MUC4: variants seen among roughly 807,000 people sequenced by gnomAD.
The protein encoded by MUC4 is mucin-4.
In MUC4, 202 loss-of-function variants were observed where a neutral mutation model predicts 257.9. The ratio of observed to expected loss-of-function variants is 0.78; its 90% CI spans 0.70 to 0.88. The LOEUF (loss-of-function observed/expected upper bound fraction) is 0.88. MUC4 is among the 40% of genes least tolerant of loss of function. MUC4 has a pLI of 0.00. For synonymous variants in MUC4, 2,351 were observed against 2,757.1 expected (o/e 0.85, Z 4.62); for missense variants, 5,976 against 6,513.7 (o/e 0.92, Z 2.84).
At position 195,783,274 on chromosome 3, in the gene MUC4, A is replaced by G; in HGVS notation, c.8306T>C (p.Leu2769Pro). Residue 2769 changes from leucine (L) to proline (P), a missense_variant, in exon 2 of 25, where the codon CTT becomes CCT. Physicochemically the swap from Leu to Pro is moderately conservative, Grantham distance 98. This residue lies in a region of MUC4 where 228 missense variants were observed against 206.3 expected (regional missense o/e 1.11). Transcript: ENST00000463781. The stretch of plus-strand genomic sequence containing the variant: ...TACTGAGGAAGTGTTGGTGACAGGA[A>G]GAGGGGTGGCGTGACCTGTGGATGC... Reference protein sequence around the residue: ...SSASTGHATPLPVTNTSSVST... With the variant: ...SSASTGHATPPPVTNTSSVST... 2 of 1,500,864 alleles carry G rather than the reference A, an allele frequency of 1.3e-6. No individual in the cohort carries two copies. Among genetic ancestry groups the G allele is most frequent in the African/African-American group, 1.4e-5 (1 of 69,390 alleles). 93.0% of individuals were successfully genotyped at this position (1,500,864 alleles called of 1,614,324 possible).
intron 1 of MUC4, among the ~76,000 whole-genome samples, chr3:195,801,786 A>G (rs1040797856): frequency 5.9e-5 from 9 of 152,068 alleles, no homozygotes; most frequent in Admixed American, 2.6e-4. Context: ...TCATTCATTC[A>G]TGAATCTGAC....
In MUC4 at chr3:195,765,117, A is replaced by G. The variant is rs2148818044; in HGVS notation, c.13804T>C (p.Trp4602Arg). The stretch of plus-strand genomic sequence containing the variant: ...CACAGCTGCCTACTGCCGAGGCCCC[A>G]GCGACCTGAAACAAGTCCAGTCCCA... Reference protein sequence around the residue: ...LRFQPVSIGRWGLGSRQLCSF... With the variant: ...LRFQPVSIGRRGLGSRQLCSF... The change falls in exon 10 of 25, where the codon TGG (tryptophan) becomes CGG (arginine). Residue 4602 changes from tryptophan to arginine, a missense_variant. Around this residue, in one of 44 missense-constraint regions of MUC4, gnomAD observed 996 missense variants for 1,137.3 expected, o/e 0.88. Coordinates refer to ENST00000463781, the MANE Select transcript of MUC4 (RefSeq NM_018406.7). The G allele has an allele frequency of 6.2e-7, 1 of 1,612,270 alleles. No homozygotes were observed. Among genetic ancestry groups the G allele is most frequent in the East Asian group, 2.2e-5 (1 of 44,804 alleles).
At chr3:195,750,824 A>T (rs1159771527) in intron 23 of MUC4, 65 bp downstream of exon 23, 2 of 1,438,788 alleles carry the variant, frequency 1.4e-6, no homozygotes, top group East Asian at 4.6e-5. Flanking sequence ...GTGTGGGCTG[A>T]AGCACCTCTG....
chr3:195,751,167 G>A, intron 22 of MUC4, 40 bp downstream of exon 22: 1 of 1,520,614 alleles, frequency 6.6e-7, no homozygotes, highest in Non-Finnish European at 8.9e-7. Flanking sequence ...GGGGGATGAG[G>A]AAGAGATCTG....
At chr3:195,754,879 A>G (rs1347829807) in intron 18 of MUC4, among the ~76,000 whole-genome samples, 1 of 21,774 alleles carries the variant, frequency 4.6e-5, no homozygotes, top group Non-Finnish European at 2.0e-4. Flanking sequence ...CAATGTATGT[A>G]TCCATGTATG....
chr3:195,754,758 G>A (rs975563957), intron 18 of MUC4, among the ~76,000 whole-genome samples: 2 of 151,468 alleles, frequency 1.3e-5, no homozygotes, highest in African/African-American at 4.8e-5. Context: ...ATGTATCCAT[G>A]TATGTATGTA....
intron 1 of MUC4, among the ~76,000 whole-genome samples, chr3:195,803,645 T>C (rs1036172349): frequency 1.3e-5 from 2 of 152,178 alleles, no homozygotes; most frequent in Admixed American, 1.3e-4. Flanking sequence ...CGGCCCCATT[T>C]CACAGGCGGG....
In MUC4 at chr3:195,788,909, G is replaced by A; in HGVS notation, c.2671C>T (p.Pro891Ser). The A allele has an allele frequency of 6.2e-7, 1 of 1,613,672 alleles. No homozygotes were observed. Reference protein sequence around the residue: ...TAGRPTGQSSPTSPSASPQET... With the variant: ...TAGRPTGQSSSTSPSASPQET... Reference sequence around the variant, plus strand: ...TGAGGAGAGGCACTGGGAGAAGTTGGGCTTGACTGTCCTGTCGGTCTCCCT... The same window carrying A: ...TGAGGAGAGGCACTGGGAGAAGTTGAGCTTGACTGTCCTGTCGGTCTCCCT... The change falls in exon 2 of 25, where the codon CCA becomes TCA. Residue 891 changes from proline to serine, a missense_variant. Physicochemically the swap from Pro to Ser is moderately conservative, Grantham distance 74 (BLOSUM62 -1). Coordinates refer to ENST00000463781, the MANE Select transcript of MUC4 (RefSeq NM_018406.7).
chr3:195,753,133 C>G lies in MUC4; in HGVS notation c.15426G>C (p.Gln5142His), dbSNP rs539133323. ...AGGCTGGGGGGCAGGTGCACATGGG[C>G]TGACAGCCCAGAGTCTGGGAGATGT... ...HCYISQTLGC[Q>H]PMCTCPPAFT... Residue 5142 changes from glutamine to histidine, a missense_variant, in exon 20 of 25, where the codon CAG (glutamine) becomes CAC (histidine). By Grantham distance (24) the Gln-to-His change is conservative. Transcript: ENST00000463781. 1 of 1,612,960 alleles carries G rather than the reference C, an allele frequency of 6.2e-7. No individual in the cohort carries two copies. Among genetic ancestry groups the G allele is most frequent in the South Asian group, 1.1e-5 (1 of 90,924 alleles).
chr3:195,772,072 G>A (rs1303082600), intron 4 of MUC4, among the ~76,000 whole-genome samples: 3 of 152,156 alleles, frequency 2.0e-5, no homozygotes, highest in Non-Finnish European at 2.9e-5. Context: ...ATCCCTGGCT[G>A]TGGACCAGCC....
intron 1 of MUC4, among the ~76,000 whole-genome samples, chr3:195,806,318 C>T (rs989889804): frequency 2.0e-5 from 3 of 152,156 alleles, no homozygotes; most frequent in Non-Finnish European, 2.9e-5. Context: ...CTCAGCTCCC[C>T]GCAGAACGGT....
chr3:195,747,024 G>A lies in MUC4; in HGVS notation c.*152C>T, dbSNP rs1715165717. 2.7e-6 allele frequency: 3 copies of A among 1,122,840 alleles called. No homozygotes were observed. Among genetic ancestry groups the A allele is most frequent in the East Asian group, 2.4e-5 (1 of 41,376 alleles). 69.6% of individuals were successfully genotyped at this position (1,122,840 alleles called of 1,614,324 possible). A position where few individuals can be genotyped will look rare whatever the true frequency, so the allele number is the denominator to read the frequency against. On this transcript the variant is annotated 3_prime_UTR_variant, in exon 25 of 25. Coordinates refer to ENST00000463781, the MANE Select transcript of MUC4 (RefSeq NM_018406.7). ...CACCTGCGCCTATGGATAAGGTATAGTCTTGTCTTGATTCCCAGTATTCAT... is the reference window on the plus strand; with the variant it reads ...CACCTGCGCCTATGGATAAGGTATAATCTTGTCTTGATTCCCAGTATTCAT...
intron 1 of MUC4, among the ~76,000 whole-genome samples, chr3:195,802,639 G>A (rs552623980): frequency 1.9e-4 from 29 of 152,132 alleles, no homozygotes; most frequent in African/African-American, 5.8e-4. Flanking sequence ...ATTGTGACAC[G>A]GATGTCAGAA....
chr3:195,753,433 A>G (rs34933051), intron 19 of MUC4: 43,826 of 575,038 alleles, frequency 0.076, 4,831 homozygotes, highest in African/African-American at 0.4. Context: ...GTATTCTTCC[A>G]CTTTTGTGGA....
rs764318287 is a variant in MUC4, at chr3:195,790,357, T to G, written c.1223A>C (p.Glu408Ala). The stretch of plus-strand genomic sequence containing the variant: ...TCCACTTACAGATAGTGATGTCTCC[T>G]CTGTGTTTCCAAGAGTAGAGTCTCT... ...TSRDSTLGNTEETSLSVSGTI... is the reference protein window; with the variant it reads ...TSRDSTLGNTAETSLSVSGTI... The change falls in exon 2 of 25, where the codon GAG becomes GCG. Residue 408 changes from glutamate to alanine, a missense_variant. By Grantham distance (107) the Glu-to-Ala change is moderately radical. Transcript: ENST00000463781. 1.7e-5 allele frequency: 27 copies of G among 1,613,832 alleles called. No individual in the cohort carries two copies. Among genetic ancestry groups the G allele is most frequent in the Non-Finnish European group, 2.1e-5 (25 of 1,179,816 alleles).
chr3:195,801,215 G>C (rs553278440), intron 1 of MUC4, among the ~76,000 whole-genome samples: 1 of 152,192 alleles, frequency 6.6e-6, no homozygotes. Context: ...TTCAGGTTCC[G>C]TCAGATTGTC....
chr3:195,793,873 A>G (rs1163385911), intron 1 of MUC4, among the ~76,000 whole-genome samples: 1 of 152,180 alleles, frequency 6.6e-6, no homozygotes, highest in Non-Finnish European at 1.5e-5. Context: ...GGGTAAATGC[A>G]TATACTCTTG....
At chr3:195,798,629 G>A (rs1734874922) in intron 1 of MUC4, among the ~76,000 whole-genome samples, 2 of 47,040 alleles carry the variant, frequency 4.3e-5, no homozygotes, top group South Asian at 7.2e-4. Context: ...GCGTGAACCC[G>A]GGAGGCGGAG....
chr3:195,760,755 G>A (rs1277540730), intron 16 of MUC4, 129 bp downstream of exon 16: 2 of 774,760 alleles, frequency 2.6e-6, no homozygotes, highest in African/African-American at 3.4e-5. Context: ...GGTTTGAGCA[G>A]AGGAATGCCA....
Sources: gnomAD v4.1 joint callset for allele counts (sites outside exome capture counted in the v4.1 genomes callset) on GRCh38, gnomAD v4.1.1 for gene constraint, gnomAD v4.1.1 regional missense constraint, MANE v1.5 for transcripts, NCBI Gene and HGNC (gene_info 2026-07-23, HGNC 2026-07-21) for gene names.